Variants in NTSR1 observed in about 807,000 individuals in gnomAD.
NTSR1 encodes the protein neurotensin receptor 1, also known as neurotensin receptor type 1.
Under a neutral mutation model 31.2 loss-of-function variants are expected in NTSR1, and 29 were observed. The observed-to-expected ratio is 0.93, with a 90% CI of 0.69 to 1.27. The LOEUF (loss-of-function observed/expected upper bound fraction) is 1.27. NTSR1 is among the 50% of genes most tolerant of loss of function. The probability of loss-of-function intolerance (pLI) is 0.00; values close to 1 mark genes in which losing one functional copy is unlikely to be tolerated. For missense variants in NTSR1, 697 were observed against 595.4 expected (o/e 1.17, Z -1.78); for synonymous variants, 282 against 269.9 (o/e 1.04, Z -0.44).
rs1172500481 is a variant in NTSR1, at chr20:62,758,796, T to G, written c.1007+440T>G. On this transcript the variant is annotated intron_variant, in intron 3 of 3. Coordinates refer to ENST00000370501, the MANE Select transcript of NTSR1 (RefSeq NM_002531.3). This position sits in a 1 kb window ranked among gnomAD's most constrained non-coding sequence, Gnocchi z 4.5. Reference sequence around the variant, plus strand: ...AGCACCAATACTGACAAAGCTTTGCTTATACAGCAAAGTCAGCAAAGGGAA... The same window carrying G: ...AGCACCAATACTGACAAAGCTTTGCGTATACAGCAAAGTCAGCAAAGGGAA... Among the ~76,000 whole-genome samples the G allele has an allele frequency of 2.0e-5, 3 of 152,128 alleles. No homozygotes were observed. The highest frequency in any genetic ancestry group is 2.0e-4 in the Admixed American group (3 of 15,276).
rs779799016 is a variant in NTSR1 at position 62,709,794 on chromosome 20, C to T, written c.587C>T (p.Ser196Leu). The change falls in exon 1 of 4, where the codon TCG becomes TTG. Residue 196 changes from serine to leucine, a missense_variant. Physicochemically the swap from Ser to Leu is moderately radical, Grantham distance 145. Coordinates refer to ENST00000370501, the MANE Select transcript of NTSR1 (RefSeq NM_002531.3). ...TTCATCAGCGCCATCTGGCTCGCCTCGGCCCTGCTGGCGGTGCCTATGCTG... is the reference window on the plus strand; with the variant it reads ...TTCATCAGCGCCATCTGGCTCGCCTTGGCCCTGCTGGCGGTGCCTATGCTG... ...KKFISAIWLA[S>L]ALLAVPMLFT... 5.0e-6 allele frequency: 8 copies of T among 1,612,814 alleles called. No individual in the cohort carries two copies. Among genetic ancestry groups the T allele is most frequent in the Admixed American group, 1.7e-5 (1 of 60,006 alleles).
intron 1 of NTSR1, 77 bp downstream of exon 1, chr20:62,709,998 A>G: frequency 8.4e-7 from 1 of 1,186,216 alleles, no homozygotes; most frequent in Non-Finnish European, 1.2e-6. Flanking sequence ...CCTTCTGGGT[A>G]GGGAGTGGGA....
At chr20:62,752,779 T>C (rs956892890) in intron 1 of NTSR1, among the ~76,000 whole-genome samples, 20 of 152,196 alleles carry the variant, frequency 1.3e-4, no homozygotes, top group African/African-American at 4.6e-4. Flanking sequence ...TGGCCTCCCC[T>C]GTCCCCGCTC....
intron 1 of NTSR1, among the ~76,000 whole-genome samples, chr20:62,710,513 T>A (rs189216996): frequency 6.6e-6 from 1 of 152,152 alleles, no homozygotes; most frequent in Non-Finnish European, 1.5e-5. Context: ...CCCTGACACA[T>A]AGAAGGGCTC....
intron 1 of NTSR1, among the ~76,000 whole-genome samples, chr20:62,754,358 T>A (rs983652175): frequency 6.6e-6 from 1 of 152,210 alleles, no homozygotes; most frequent in African/African-American, 2.4e-5. Flanking sequence ...CTAGGGCCTT[T>A]GCCACAGCTG....
rs1989261282 is a variant in NTSR1, at chr20:62,744,468, T to A, written c.715-10217T>A. 6.7e-6 allele frequency among the ~76,000 whole-genome samples: 1 copy of A among 150,214 alleles called. No individual in the cohort carries two copies. The highest frequency in any genetic ancestry group is 1.5e-5 in the Non-Finnish European group (1 of 67,790). ...TACTGGGGAGACTGAGGCAGGAGAA[T>A]GGCGTGAACCCGGGAGGTGGAGCTT... On this transcript the variant is annotated intron_variant, in intron 1 of 3. Coordinates refer to ENST00000370501, the MANE Select transcript of NTSR1 (RefSeq NM_002531.3). This position sits in a 1 kb window ranked among gnomAD's most constrained non-coding sequence, Gnocchi z 4.1.
chr20:62,718,746 G>A (rs1988780315), intron 1 of NTSR1, among the ~76,000 whole-genome samples: 2 of 152,180 alleles, frequency 1.3e-5, no homozygotes, highest in African/African-American at 2.4e-5. Context: ...GATGGACCAC[G>A]TTTTGTTGAG....
intron 2 of NTSR1, among the ~76,000 whole-genome samples, chr20:62,755,871 T>C: frequency 1.5e-5 from 1 of 64,606 alleles, no homozygotes; most frequent in Non-Finnish European, 2.9e-5. Flanking sequence ...CCTCCACCCA[T>C]CATCCCTCCC....
chr20:62,739,667 G>T (rs527633220), intron 1 of NTSR1, among the ~76,000 whole-genome samples: 1 of 152,392 alleles, frequency 6.6e-6, no homozygotes, highest in South Asian at 2.1e-4. Flanking sequence ...CACTGACACC[G>T]CTGAGATGCT....
At chr20:62,718,149 A>G (rs1187447027) in intron 1 of NTSR1, among the ~76,000 whole-genome samples, 2 of 152,212 alleles carry the variant, frequency 1.3e-5, no homozygotes, top group Non-Finnish European at 2.9e-5. Context: ...CGGGCAGATC[A>G]TGCCTCGTAG....
intron 1 of NTSR1, among the ~76,000 whole-genome samples, chr20:62,725,051 C>A (rs1467404432): frequency 6.6e-6 from 1 of 152,242 alleles, no homozygotes; most frequent in Non-Finnish European, 1.5e-5. Context: ...ACCAATTACT[C>A]CACAACACCA....
rs1471009653 is a variant in NTSR1 at position 62,709,605 on chromosome 20, C to T, written c.398C>T (p.Pro133Leu). Residue 133 changes from proline (P) to leucine (L), a missense_variant, in exon 1 of 4, where the codon CCC becomes CTC. Coordinates refer to ENST00000370501, the MANE Select transcript of NTSR1 (RefSeq NM_002531.3). Reference protein sequence around the residue: ...ELYNFIWVHHPWAFGDAGCRG... With the variant: ...ELYNFIWVHHLWAFGDAGCRG... ...TACAACTTCATCTGGGTGCACCACC[C>T]CTGGGCCTTCGGCGACGCCGGCTGC... 2 of 1,611,642 alleles carry T rather than the reference C, an allele frequency of 1.2e-6. No homozygotes were observed. The highest frequency in any genetic ancestry group is 4.5e-5 in the East Asian group (2 of 44,878).
rs115556676 is a variant in NTSR1, at chr20:62,748,351, T to C, written c.715-6334T>C. Among the ~76,000 whole-genome samples the C allele has an allele frequency of 5.5e-3, 840 of 152,282 alleles. 6 individuals carry two copies. The highest frequency in any genetic ancestry group is 0.019 in the African/African-American group (807 of 41,540). On this transcript the variant is annotated intron_variant, in intron 1 of 3. Coordinates refer to ENST00000370501, the MANE Select transcript of NTSR1 (RefSeq NM_002531.3). ...ATTCATATTGTTAAAATTTTCATACTACCCAAAGTGATCTACAGATTCAGT... is the reference window on the plus strand; with the variant it reads ...ATTCATATTGTTAAAATTTTCATACCACCCAAAGTGATCTACAGATTCAGT...
chr20:62,709,884 C>G lies in NTSR1; in HGVS notation c.677C>G (p.Pro226Arg), dbSNP rs749199745. Residue 226 changes from proline to arginine, a missense_variant, in exon 1 of 4, where the codon CCC becomes CGC. By Grantham distance (103) the Pro-to-Arg change is moderately radical (BLOSUM62 -2). Transcript: ENST00000370501. ...CACGCCGGCGGCCTGGTGTGCACCC[C>G]CACCATCCACACTGCCACCGTCAAG... ...GQHAGGLVCT[P>R]TIHTATVKVV... The G allele has an allele frequency of 6.2e-7, 1 of 1,601,990 alleles. No homozygotes were observed. The highest frequency in any genetic ancestry group is 1.1e-5 in the South Asian group (1 of 90,648).
rs1219086346 is a variant in NTSR1 at position 62,720,337 on chromosome 20, G to A, written c.714+10416G>A. On this transcript the variant is annotated intron_variant, in intron 1 of 3. Transcript: ENST00000370501. ...ATTTTAAAAGATAAAGGAATATTCA[G>A]GTTATATATTTCTCCTTGAGTAAGT... Among the ~76,000 whole-genome samples the A allele has an allele frequency of 2.6e-5, 4 of 152,296 alleles. No homozygotes were observed. The East Asian group carries it at 7.7e-4, about 29-fold the overall frequency.
Position 62,733,931 on chromosome 20 carries a change from C to T in NTSR1, c.715-20754C>T, listed in dbSNP as rs994848579. ...TGCTACTTTATCTCAATAGAGGATTCGAACAGCCCCCAGGCAGGGTCGCAT... is the reference window on the plus strand; with the variant it reads ...TGCTACTTTATCTCAATAGAGGATTTGAACAGCCCCCAGGCAGGGTCGCAT... On this transcript the variant is annotated intron_variant, in intron 1 of 3. Coordinates refer to ENST00000370501, the MANE Select transcript of NTSR1 (RefSeq NM_002531.3). The surrounding 1 kb of genome is among the most constrained non-coding windows in gnomAD (Gnocchi z 5.2). 1.3e-5 allele frequency among the ~76,000 whole-genome samples: 2 copies of T among 152,266 alleles called. No homozygotes were observed. Among genetic ancestry groups the T allele is most frequent in the East Asian group, 1.9e-4 (1 of 5,184 alleles).
At chr20:62,747,624 G>A (rs912321987) in intron 1 of NTSR1, among the ~76,000 whole-genome samples, 2 of 152,208 alleles carry the variant, frequency 1.3e-5, no homozygotes, top group Non-Finnish European at 1.5e-5. Flanking sequence ...ACTCAACATG[G>A]TCCTGGAAGG....
chr20:62,723,377 C>T (rs935226148), intron 1 of NTSR1, among the ~76,000 whole-genome samples: 9 of 152,218 alleles, frequency 5.9e-5, no homozygotes, highest in Admixed American at 2.6e-4. Context: ...AGGGAGGGAC[C>T]GCAAGTGTGT....
chr20:62,728,106 C>CACG (rs11472693), intron 1 of NTSR1, among the ~76,000 whole-genome samples: 86,620 of 151,970 alleles, frequency 0.57, 25,340 homozygotes, highest in East Asian at 0.76. Flanking sequence ...AAGGACGAGC[C>CACG]TTGTGGATGA....
Sources: gnomAD v4.1 joint callset for allele counts (sites outside exome capture counted in the v4.1 genomes callset) on GRCh38, gnomAD v4.1.1 for gene constraint, Gnocchi (gnomAD v3.1) non-coding constraint, MANE v1.5 for transcripts, NCBI Gene and HGNC (gene_info 2026-07-23, HGNC 2026-07-21) for gene names.